MROH2B: variants seen among roughly 807,000 people sequenced by gnomAD.
The protein encoded by MROH2B is maestro heat like repeat family member 2B.
A neutral mutation model predicts 208.6 loss-of-function variants in MROH2B; 177 were observed. The observed-to-expected ratio is 0.85, with a 90% CI of 0.75 to 0.96. MROH2B has a LOEUF of 0.96. Ranked by LOEUF, MROH2B falls within the 40% of genes least tolerant of loss-of-function variation. The pLI is 0.00. For missense variants in MROH2B, 2,002 were observed against 1,878.7 expected, an observed-to-expected ratio of 1.07 and a Z score of -1.21; for synonymous variants, 728 against 659.0, an observed-to-expected ratio of 1.10 and a Z score of -1.60.
rs193028899 is a variant in MROH2B, at chr5:41,027,783, C to G, written c.2441+4959G>C. Among the ~76,000 whole-genome samples the G allele has an allele frequency of 2.3e-3, 352 of 152,222 alleles. 1 individual carries two copies. The highest frequency in any genetic ancestry group is 4.6e-3 in the Admixed American group (70 of 15,284). ...ATTCACAATAGCAAAGACTTGGAAC[C>G]AACCCAAATGCCCATCAATGATAGA... is the stretch of plus-strand genomic sequence containing the variant. On this transcript the variant is annotated intron_variant, in intron 24 of 41. Transcript: ENST00000399564.
intron 37 of MROH2B, among the ~76,000 whole-genome samples, chr5:41,001,281 G>C (rs1402005243): frequency 6.6e-6 from 1 of 152,176 alleles, no homozygotes; most frequent in Non-Finnish European, 1.5e-5. Flanking sequence ...ATTTTCTAAA[G>C]GGATTACAGG....
Position 41,051,070 on chromosome 5 carries a change from G to C in MROH2B, c.1251C>G (p.Asn417Lys), listed in dbSNP as rs749721054. The C allele has an allele frequency of 1.9e-6, 3 of 1,552,990 alleles. No individual in the cohort carries two copies. The East Asian group carries it at 7.3e-5, about 38-fold the overall frequency. ...CCTCTTCCTTTTCATTCTCATGAAA[G>C]TTAGTTTTCACTGGTTTCTCCTTTA... is the stretch of plus-strand genomic sequence containing the variant. ...NRNLEKPVKT[N>K]FHENEKEEES... is the part of the protein sequence containing the mutation. The change falls in exon 13 of 42, where the codon AAC becomes AAG. Residue 417 changes from asparagine to lysine, a missense_variant. By Grantham distance (94) the Asn-to-Lys change is moderately conservative. Transcript: ENST00000399564.
chr5:41,034,823 C>G (rs1456097571), intron 21 of MROH2B, among the ~76,000 whole-genome samples: 1 of 151,828 alleles, frequency 6.6e-6, no homozygotes, highest in African/African-American at 2.4e-5. Flanking sequence ...GGCTGAGAGT[C>G]AAATCAAGAA....
In MROH2B at chr5:41,057,315, G is replaced by C. The variant is rs200696573; in HGVS notation, c.802C>G (p.Leu268Val). The C allele has an allele frequency of 7.2e-4, 1,140 of 1,592,168 alleles. 3 individuals carry two copies. Among genetic ancestry groups the C allele is most frequent in the Non-Finnish European group, 8.7e-4 (1,019 of 1,168,462 alleles). Reference protein sequence around the residue: ...LTAAVLYDIGLPRSLRRSIFI... With the variant: ...LTAAVLYDIGVPRSLRRSIFI... The stretch of plus-strand genomic sequence containing the variant: ...ATGGATCTTCTCAAGCTCCTTGGAA[G>C]GCCAATGTCATAAAGAACTGCTGCA... The change falls in exon 8 of 42, where the codon CTT becomes GTT. Residue 268 changes from leucine to valine, a missense_variant. Leu to Val is a conservative substitution (Grantham distance 32). Coordinates refer to ENST00000399564, the MANE Select transcript of MROH2B (RefSeq NM_173489.5).
At chr5:41,022,312 G>T (rs1185376569) in intron 24 of MROH2B, among the ~76,000 whole-genome samples, 4 of 152,212 alleles carry the variant, frequency 2.6e-5, no homozygotes, top group Non-Finnish European at 5.9e-5. Context: ...AAGGGAAGAG[G>T]TGACAGATGG....
intron 9 of MROH2B, 150 bp from the exon 10 acceptor site, chr5:41,056,005 C>T: frequency 1.6e-6 from 1 of 633,668 alleles, no homozygotes; most frequent in South Asian, 1.9e-5. Flanking sequence ...TCTTCAGTAT[C>T]ACAGAATTAA....
At position 41,055,752 on chromosome 5, in the gene MROH2B, G is replaced by T; in HGVS notation, c.1023C>A (p.Val341=). 6.2e-7 allele frequency: 1 copy of T among 1,613,292 alleles called. No homozygotes were observed. The highest frequency in any genetic ancestry group is 8.5e-7 in the Non-Finnish European group (1 of 1,179,410). ...VGILTLLRLA[V]NADEPRLRDH... ...AACCCTCTTGCTTACCATCAGCATT[G>T]ACAGCCAATCTTAACAAAGTCAAGA... Residue 341 remains valine (V), a synonymous_variant, in exon 10 of 42, where the codon GTC becomes GTA. Transcript: ENST00000399564.
Position 40,998,254 on chromosome 5 carries a change from G to A in MROH2B, c.4652-96C>T, listed in dbSNP as rs562498339. The stretch of plus-strand genomic sequence containing the variant: ...AAGGCCCAACTTTTTAGCACTGAGG[G>A]TCAGACCCAAGTGGGGCTCAGGTCC... On this transcript the variant is annotated intron_variant, in intron 41 of 41. Coordinates refer to ENST00000399564, the MANE Select transcript of MROH2B (RefSeq NM_173489.5). The A allele has an allele frequency of 1.2e-5, 11 of 917,154 alleles. No individual in the cohort carries two copies. The South Asian group carries it at 1.3e-4, about 11-fold the overall frequency. The allele number at this position is 917,154 out of a possible 1,614,324, so 56.8% of individuals were successfully genotyped here. A position where few individuals can be genotyped will look rare whatever the true frequency, so the allele number is the denominator to read the frequency against.
rs112885066 is a variant in MROH2B at position 41,041,038 on chromosome 5, A to T, written c.1953+1054T>A. On this transcript the variant is annotated intron_variant, in intron 19 of 41. Coordinates refer to ENST00000399564, the MANE Select transcript of MROH2B (RefSeq NM_173489.5). Reference sequence around the variant, plus strand: ...TCTTATATGCTTATATTTAAAATCAACTTACTTTGTTTCCTAACCTATACC... The same window carrying T: ...TCTTATATGCTTATATTTAAAATCATCTTACTTTGTTTCCTAACCTATACC... Among the ~76,000 whole-genome samples the T allele has an allele frequency of 5.3e-5, 8 of 152,282 alleles. 1 individual carries two copies. The highest frequency in any genetic ancestry group is 1.9e-4 in the African/African-American group (8 of 41,560).
chr5:41,042,234 G>T, intron 18 of MROH2B, 26 bp from the exon 19 acceptor site: 1 of 1,376,136 alleles, frequency 7.3e-7, no homozygotes, highest in South Asian at 1.3e-5. Context: ...TAAGCAACAG[G>T]ATTTTAAGGG....
At chr5:41,029,796 G>T (rs550346175) in intron 24 of MROH2B, among the ~76,000 whole-genome samples, 3 of 152,048 alleles carry the variant, frequency 2.0e-5, no homozygotes, top group African/African-American at 7.2e-5. Flanking sequence ...TGTGCATCTC[G>T]GGAATACAAA....
chr5:41,044,758 A>T (rs911747876), intron 18 of MROH2B, among the ~76,000 whole-genome samples: 2 of 152,216 alleles, frequency 1.3e-5, no homozygotes, highest in African/African-American at 4.8e-5. Context: ...ATTGATAATG[A>T]TTACTTTGTG....
chr5:41,027,680 A>T (rs554295068), intron 24 of MROH2B, among the ~76,000 whole-genome samples: 18 of 152,232 alleles, frequency 1.2e-4, no homozygotes, highest in Non-Finnish European at 2.5e-4. Context: ...CAGCAATCCC[A>T]TTACTGGGTA....
rs746001575 is a variant in MROH2B, at chr5:41,050,262, G to A, written c.1344+715C>T. On this transcript the variant is annotated intron_variant, in intron 13 of 41. Coordinates refer to ENST00000399564, the MANE Select transcript of MROH2B (RefSeq NM_173489.5). ...TTTATCAACCATAAGGTAAAAGTTT[G>A]GCATTCCAGGCCCTTTAGGGTTGGA... Among the ~76,000 whole-genome samples the A allele has an allele frequency of 7.2e-5, 11 of 152,076 alleles. No homozygotes were observed. In the South Asian group the frequency reaches 1.7e-3, roughly 23 times the overall value.
Position 41,008,748 on chromosome 5 carries a change from T to C in MROH2B, c.3466A>G (p.Thr1156Ala), listed in dbSNP as rs200515888. The C allele has an allele frequency of 1.8e-5, 29 of 1,613,604 alleles. No individual in the cohort carries two copies. In the African/African-American group the frequency reaches 3.6e-4, roughly 20 times the overall value. The change falls in exon 33 of 42, where the codon ACC (threonine) becomes GCC (alanine). Residue 1156 changes from threonine (T) to alanine (A), a missense_variant. Coordinates refer to ENST00000399564, the MANE Select transcript of MROH2B (RefSeq NM_173489.5). The stretch of plus-strand genomic sequence containing the variant: ...GTGAACAGCTCTGGATACAAGCCGG[T>C]GACAGAGGTGCCCATTGAGATCACT... Reference protein sequence around the residue: ...YEVISMGTSVTGLYPELFTLL... With the variant: ...YEVISMGTSVAGLYPELFTLL...
chr5:41,001,084 G>C (rs1741384043), intron 37 of MROH2B, among the ~76,000 whole-genome samples: 1 of 152,122 alleles, frequency 6.6e-6, no homozygotes, highest in African/African-American at 2.4e-5. Flanking sequence ...ATTGATTTCT[G>C]TCTTTGAGTA....
Position 41,058,105 on chromosome 5 carries a change from C to T in MROH2B, c.714G>A (p.Leu238=), listed in dbSNP as rs1450479498. Residue 238 remains leucine (L), a synonymous_variant, in exon 7 of 42, where the codon CTG becomes CTA. Coordinates refer to ENST00000399564, the MANE Select transcript of MROH2B (RefSeq NM_173489.5). Reference sequence around the variant, plus strand: ...CAATCTCTTTGTCTTTATACTGGTTCAGGAGCCAGGGCACCTGGCCCAGGG... The same window carrying T: ...CAATCTCTTTGTCTTTATACTGGTTTAGGAGCCAGGGCACCTGGCCCAGGG... The part of the protein sequence containing the change: ...GYALGQVPWL[L]NQYKDKEIDF... 1.2e-6 allele frequency: 2 copies of T among 1,605,752 alleles called. No individual in the cohort carries two copies. The highest frequency in any genetic ancestry group is 8.5e-7 in the Non-Finnish European group (1 of 1,176,016).
In MROH2B at chr5:41,018,906, C is replaced by T; in HGVS notation, c.2554G>A (p.Asp852Asn). 1 of 1,613,904 alleles carries T rather than the reference C, an allele frequency of 6.2e-7. No homozygotes were observed. The highest frequency in any genetic ancestry group is 8.5e-7 in the Non-Finnish European group (1 of 1,179,872). The change falls in exon 25 of 42, where the codon GAC becomes AAC. Residue 852 changes from aspartate (D) to asparagine (N), a missense_variant. Transcript: ENST00000399564. Reference protein sequence around the residue: ...LENLKSEGQTDKDKEHIQFLY... With the variant: ...LENLKSEGQTNKDKEHIQFLY... ...ACTTGAATGTGCTCCTTGTCCTTGT[C>T]TGTCTGGCCTTCACTTTTCAGATTT...
At chr5:41,035,345 C>T (rs192815695) in intron 21 of MROH2B, among the ~76,000 whole-genome samples, 3 of 152,022 alleles carry the variant, frequency 2.0e-5, no homozygotes, top group Non-Finnish European at 4.4e-5. Flanking sequence ...AAAGGACTCC[C>T]TACTCAATAA....
Sources: allele counts gnomAD v4.1 joint callset (sites outside exome capture counted in the v4.1 genomes callset), GRCh38; gene constraint gnomAD v4.1.1; transcripts MANE v1.5; gene names NCBI Gene and HGNC (gene_info 2026-07-23, HGNC 2026-07-21).